The following MYO10 variants were observed in gnomAD, a reference collection of about 807,000 sequenced individuals.
MYO10 encodes unconventional myosin-X.
Under a neutral mutation model 257.3 loss-of-function variants are expected in MYO10, and 133 were observed. The observed-to-expected ratio is 0.52, with a 90% CI of 0.45 to 0.60. The LOEUF is 0.60. Ranked by LOEUF, MYO10 falls within the 20% of genes least tolerant of loss-of-function variation. The probability of loss-of-function intolerance (pLI) is 0.00; values close to 1 mark genes in which losing one functional copy is unlikely to be tolerated. For synonymous variants in MYO10, 1,104 were observed against 1,028.6 expected, an observed-to-expected ratio of 1.07 and a Z score of -1.40; for missense variants, 2,399 against 2,635.7, an observed-to-expected ratio of 0.91 and a Z score of 1.97.
intron 2 of MYO10, among the ~76,000 whole-genome samples, chr5:16,827,444 G>A (rs1005070915): frequency 4.6e-5 from 7 of 152,058 alleles, no homozygotes; most frequent in Non-Finnish European, 1.0e-4. Flanking sequence ...GCACCACCAA[G>A]CCTGGCTAAT....
chr5:16,925,123 A>G (rs2625180), intron 1 of MYO10, among the ~76,000 whole-genome samples: 71,317 of 151,712 alleles, frequency 0.47, 17,066 homozygotes, highest in African/African-American at 0.53. Context: ...GAGCCACTGC[A>G]CCCGGCCTAT....
intron 1 of MYO10, among the ~76,000 whole-genome samples, chr5:16,887,017 C>T (rs1319818206): frequency 6.6e-6 from 1 of 151,800 alleles, no homozygotes; most frequent in African/African-American, 2.4e-5. Context: ...ATAAACACAC[C>T]TAAAAAAAAC....
At chr5:16,729,018 C>T (rs1217151618) in intron 19 of MYO10, among the ~76,000 whole-genome samples, 1 of 151,990 alleles carries the variant, frequency 6.6e-6, no homozygotes, top group African/African-American at 2.4e-5. Flanking sequence ...AGTGGGTTGC[C>T]GATTTTTACT....
chr5:16,724,487 AG>A (rs1739275883), intron 19 of MYO10, among the ~76,000 whole-genome samples: 3 of 152,206 alleles, frequency 2.0e-5, no homozygotes, highest in Admixed American at 2.0e-4. Flanking sequence ...ATGACTCTAA[AG>A]GAAGCCAGCA....
chr5:16,753,367 T>C (rs60927340), intron 19 of MYO10, among the ~76,000 whole-genome samples: 3,710 of 151,972 alleles, frequency 0.024, 173 homozygotes, highest in African/African-American at 0.084. Context: ...CGTGGTTTCA[T>C]CATGTTAACC....
intron 40 of MYO10, 115 bp from the exon 41 acceptor site, chr5:16,666,908 G>A (rs566840420): frequency 1.1e-5 from 8 of 746,906 alleles, no homozygotes; most frequent in African/African-American, 3.6e-5. Context: ...CATGCTAATC[G>A]ACGGATCCCA....
chr5:16,758,054 C>A, intron 18 of MYO10, 64 bp downstream of exon 18: 1 of 1,246,236 alleles, frequency 8.0e-7, no homozygotes, highest in South Asian at 1.2e-5. Flanking sequence ...ACACCCAAAT[C>A]CTCTTTTCAG....
chr5:16,753,466 C>CTTTTTTT (rs143614063), intron 19 of MYO10, among the ~76,000 whole-genome samples: 2 of 83,166 alleles, frequency 2.4e-5, no homozygotes, highest in Non-Finnish European at 4.6e-5. Context: ...CGTGCCCGGC[C>CTTTTTTT]TTTTTTTTTT....
At chr5:16,890,194 G>T (rs547870053) in intron 1 of MYO10, among the ~76,000 whole-genome samples, 3 of 151,686 alleles carry the variant, frequency 2.0e-5, no homozygotes, top group Admixed American at 1.3e-4. Context: ...GGATTAAAAG[G>T]TACATAAAAG....
intron 3 of MYO10, among the ~76,000 whole-genome samples, chr5:16,816,234 G>A (rs1182308006): frequency 6.6e-6 from 1 of 151,316 alleles, no homozygotes; most frequent in African/African-American, 2.4e-5. Flanking sequence ...AGCTACTCGG[G>A]AGGCTGAGGC....
At chr5:16,821,066 T>C (rs1036608089) in intron 2 of MYO10, among the ~76,000 whole-genome samples, 35 of 147,424 alleles carry the variant, frequency 2.4e-4, no homozygotes, top group Admixed American at 3.4e-4. Context: ...TAATATATAA[T>C]ATATAAGATG....
chr5:16,692,539 T>G (rs1737555825), intron 27 of MYO10, among the ~76,000 whole-genome samples: 1 of 152,230 alleles, frequency 6.6e-6, no homozygotes, highest in African/African-American at 2.4e-5. Context: ...GTATTGTGAT[T>G]ATGTATTAGA....
At chr5:16,757,808 G>A (rs1330670414) in intron 18 of MYO10, among the ~76,000 whole-genome samples, 2 of 152,124 alleles carry the variant, frequency 1.3e-5, no homozygotes, top group Non-Finnish European at 1.5e-5. Flanking sequence ...GGGACTACAG[G>A]CATGCGCCAC....
At chr5:16,828,891 T>C (rs528230071) in intron 2 of MYO10, among the ~76,000 whole-genome samples, 1 of 152,224 alleles carries the variant, frequency 6.6e-6, no homozygotes, top group Admixed American at 6.5e-5. Context: ...CCCAGTGTAC[T>C]AGGTTTAATC....
intron 2 of MYO10, among the ~76,000 whole-genome samples, chr5:16,820,396 C>A (rs7726872): frequency 0.87 from 132,002 of 152,156 alleles, 58,564 homozygotes; most frequent in South Asian, 0.97. Context: ...GGGGCAGAAA[C>A]AGAACTTGCC....
At chr5:16,743,468 TC>T (rs1740082237) in intron 19 of MYO10, among the ~76,000 whole-genome samples, 1 of 151,862 alleles carries the variant, frequency 6.6e-6, no homozygotes, top group African/African-American at 2.4e-5. Context: ...CATGATGAAA[TC>T]CCATCTCTAT....
At chr5:16,885,388 T>TC (rs1057037147) in intron 1 of MYO10, among the ~76,000 whole-genome samples, 6 of 152,208 alleles carry the variant, frequency 3.9e-5, no homozygotes, top group African/African-American at 1.4e-4. Flanking sequence ...AAGGTGCTCA[T>TC]CGGCCGGGCA....
intron 1 of MYO10, among the ~76,000 whole-genome samples, chr5:16,919,810 C>G (rs1239004961): frequency 6.6e-6 from 1 of 152,082 alleles, no homozygotes. Context: ...AACCCTATCT[C>G]TACTAAAAAC....
chr5:16,801,255 T>C (rs1360369668), intron 3 of MYO10, among the ~76,000 whole-genome samples: 1 of 152,218 alleles, frequency 6.6e-6, no homozygotes, highest in Non-Finnish European at 1.5e-5. Context: ...TTGCCCAGGC[T>C]GCCGTGCAGT....
Sources: allele counts gnomAD v4.1 joint callset (sites outside exome capture counted in the v4.1 genomes callset), GRCh38; gene constraint gnomAD v4.1.1; transcripts MANE v1.5; gene names NCBI Gene and HGNC (gene_info 2026-07-23, HGNC 2026-07-21).